Variants in HELLS observed in about 807,000 individuals in gnomAD.
The protein encoded by HELLS is lymphoid-specific helicase.
HELLS carries 32 observed loss-of-function variants against 120.0 expected under a neutral mutation model. The observed-to-expected ratio is 0.27, with a 90% CI of 0.20 to 0.36. The LOEUF is 0.36. HELLS is among the 10% of genes least tolerant of loss of function. The probability of loss-of-function intolerance (pLI) is 1.00; values close to 1 mark genes in which losing one functional copy is unlikely to be tolerated. For missense variants in HELLS, 650 were observed against 993.4 expected (o/e 0.65, Z 4.65); for synonymous variants, 341 against 323.4 (o/e 1.05, Z -0.58).
At chr10:94,593,681 GA>G (rs1554835284) in intron 18 of HELLS, 66 bp downstream of exon 18, 2 of 783,766 alleles carry the variant, frequency 2.6e-6, no homozygotes, top group Non-Finnish European at 2.1e-6. Flanking sequence ...TTTTTTTTTT[GA>G]AATGGAGTCT....
intron 2 of HELLS, among the ~76,000 whole-genome samples, chr10:94,551,287 GA>G (rs1198203610): frequency 7.2e-5 from 11 of 151,980 alleles, no homozygotes; most frequent in Non-Finnish European, 1.5e-4. Flanking sequence ...AATATATTTT[GA>G]TGCCGGGTAC....
At chr10:94,570,035 T>TA (rs372779676) in intron 6 of HELLS, 3 of 151,762 alleles carry the variant, frequency 2.0e-5, no homozygotes, top group Non-Finnish European at 2.9e-5. Flanking sequence ...TTTTTTATTT[T>TA]TTTTTTTATT....
intron 4 of HELLS, among the ~76,000 whole-genome samples, chr10:94,561,758 C>T (rs1843563977): frequency 1.3e-5 from 2 of 152,168 alleles, no homozygotes; most frequent in Non-Finnish European, 2.9e-5. Flanking sequence ...TGAGCCACTG[C>T]ACCTGGCCAG....
chr10:94,580,158 TATATAC>T (rs1422024787), intron 10 of HELLS, among the ~76,000 whole-genome samples: 5,480 of 74,960 alleles, frequency 0.073, 323 homozygotes, highest in Middle Eastern at 0.098. Flanking sequence ...TATATATATA[TATATAC>T]ACACACACAC....
At chr10:94,561,587 T>C (rs1367330059) in intron 4 of HELLS, among the ~76,000 whole-genome samples, 1 of 152,088 alleles carries the variant, frequency 6.6e-6, no homozygotes, top group Non-Finnish European at 1.5e-5. Flanking sequence ...CACCTCAGCC[T>C]CCTGAGTAGC....
intron 11 of HELLS, among the ~76,000 whole-genome samples, chr10:94,582,543 A>G (rs1472595192): frequency 6.6e-6 from 1 of 152,178 alleles, no homozygotes; most frequent in Non-Finnish European, 1.5e-5. Flanking sequence ...ATTATTGTCA[A>G]GTTATGTATA....
intron 13 of HELLS, among the ~76,000 whole-genome samples, chr10:94,589,832 G>A (rs1346874694): frequency 7.9e-5 from 12 of 151,498 alleles, no homozygotes; most frequent in African/African-American, 2.9e-4. Context: ...GACTACAGTC[G>A]CCCGCCACCA....
intron 2 of HELLS, among the ~76,000 whole-genome samples, chr10:94,549,214 A>G (rs556480426): frequency 6.6e-6 from 1 of 152,308 alleles, no homozygotes; most frequent in African/African-American, 2.4e-5. Context: ...ATTAATAAAC[A>G]TGTCTTTGGA....
chr10:94,587,615 A>T (rs947940682), intron 12 of HELLS, among the ~76,000 whole-genome samples: 1 of 152,280 alleles, frequency 6.6e-6, no homozygotes, highest in African/African-American at 2.4e-5. Flanking sequence ...TTTAGTGGAG[A>T]TGGGGTTTCA....
chr10:94,611,536 C>CT (rs1846194044), exon 10 of HELLS: 1 of 152,100 alleles, frequency 6.6e-6, no homozygotes, highest in Admixed American at 6.5e-5. Flanking sequence ...TTTTACTGTG[C>CT]TTTTATTCTA....
intron 6 of HELLS, among the ~76,000 whole-genome samples, chr10:94,565,685 C>G (rs1437930663): frequency 6.6e-6 from 1 of 152,088 alleles, no homozygotes; most frequent in Admixed American, 6.6e-5. Flanking sequence ...AGTGAAATTC[C>G]ATCTCAAAAA....
chr10:94,573,767 T>A (rs1844299115), intron 7 of HELLS, among the ~76,000 whole-genome samples, 193 bp from the exon 8 acceptor site: 1 of 141,368 alleles, frequency 7.1e-6, no homozygotes. Flanking sequence ...CAGCCTGTTA[T>A]TTTTTTTTTT....
At chr10:94,589,015 C>T (rs886962157) in intron 13 of HELLS, among the ~76,000 whole-genome samples, 16 of 152,064 alleles carry the variant, frequency 1.1e-4, no homozygotes, top group African/African-American at 2.7e-4. Flanking sequence ...GGCGTGGTGG[C>T]GCATGCCTGT....
rs1420449063 is a variant in HELLS at position 94,596,851 on chromosome 10, T to G, written c.2249-9T>G. ...AATTTTAATGTTTTTAATTTCTCAT[T>G]TTTTTTAGATCATTTCAAAGGTGGT... On this transcript the variant is annotated splice_polypyrimidine_tract_variant and intron_variant, in intron 19 of 21. Transcript: ENST00000348459. 1 of 1,346,800 alleles carries G rather than the reference T, an allele frequency of 7.4e-7. No individual in the cohort carries two copies. Among genetic ancestry groups the G allele is most frequent in the African/African-American group, 1.5e-5 (1 of 68,376 alleles). The allele number at this position is 1,346,800 out of a possible 1,614,324, so 83.4% of individuals were successfully genotyped here.
Position 94,576,656 on chromosome 10 carries a change from T to C in HELLS, c.889-6T>C. On this transcript the variant is annotated splice_polypyrimidine_tract_variant and splice_region_variant and intron_variant, in intron 9 of 21. Transcript: ENST00000348459. ...GTCTGATAAAAATCAATATAAAATT[T>C]TTCAGATCCCTACAATGTTATATCA... The C allele has an allele frequency of 6.6e-7, 1 of 1,514,808 alleles. No homozygotes were observed. The highest frequency in any genetic ancestry group is 1.3e-5 in the South Asian group (1 of 76,694). 93.8% of individuals were successfully genotyped at this position (1,514,808 alleles called of 1,614,324 possible).
At chr10:94,607,256 C>G (rs540453601) in intron 8 of HELLS, among the ~76,000 whole-genome samples, 2 of 152,080 alleles carry the variant, frequency 1.3e-5, no homozygotes, top group Non-Finnish European at 2.9e-5. Flanking sequence ...GTGAAAACCT[C>G]TATCTAACAC....
intron 2 of HELLS, among the ~76,000 whole-genome samples, chr10:94,550,272 T>G (rs1270027622): frequency 2.7e-5 from 4 of 150,692 alleles, no homozygotes; most frequent in East Asian, 2.0e-4. Context: ...AGTATTTAGG[T>G]TTTTTTTGCT....
intron 21 of HELLS, among the ~76,000 whole-genome samples, chr10:94,599,732 A>G (rs533614283): frequency 1.3e-5 from 2 of 152,248 alleles, no homozygotes; most frequent in Non-Finnish European, 2.9e-5. Context: ...AAGATTGCTT[A>G]TTAATAATAT....
downstream of HELLS, among the ~76,000 whole-genome samples, chr10:94,603,119 G>A (rs1340137180): frequency 1.3e-5 from 2 of 152,050 alleles, no homozygotes; most frequent in Non-Finnish European, 1.5e-5. Flanking sequence ...TATATACTGC[G>A]GATATATTGT....
Sources: gnomAD v4.1 joint callset for allele counts (sites outside exome capture counted in the v4.1 genomes callset) on GRCh38, gnomAD v4.1.1 for gene constraint, MANE v1.5 for transcripts, NCBI Gene and HGNC (gene_info 2026-07-23, HGNC 2026-07-21) for gene names.